The following PRIM2 variants were observed in gnomAD, a reference collection of about 807,000 sequenced individuals.
PRIM2 encodes DNA primase large subunit.
A neutral mutation model predicts 67.3 loss-of-function variants in PRIM2; 39 were observed. The observed-to-expected ratio is 0.58, with a 90% CI of 0.45 to 0.76. PRIM2 has a LOEUF of 0.76. Among genes scored for constraint, PRIM2 ranks in the 30% least tolerant of loss-of-function variants. The probability of loss-of-function intolerance (pLI) is 0.00; values close to 1 mark genes in which losing one functional copy is unlikely to be tolerated. For missense variants in PRIM2, 398 were observed against 598.7 expected (o/e 0.66, Z 3.50); for synonymous variants, 143 against 198.7 (o/e 0.72, Z 2.36).
At chr6:57,396,243 A>G (rs4712159) in intron 7 of PRIM2, among the ~76,000 whole-genome samples, 95,205 of 151,942 alleles carry the variant, frequency 0.63, 30,153 homozygotes, top group African/African-American at 0.72. Context: ...GTCTAGTGCT[A>G]TCAGTGGGGT....
chr6:57,518,771 T>C (rs1471201811), intron 8 of PRIM2, among the ~76,000 whole-genome samples: 37 of 152,364 alleles, frequency 2.4e-4, no homozygotes, highest in Admixed American at 2.4e-3. Context: ...ATCTTTTGTT[T>C]TGGGACATAG....
the PRIM2 span, among the ~76,000 whole-genome samples, chr6:57,252,201 T>C: frequency 6.6e-6 from 1 of 152,246 alleles, no homozygotes; most frequent in East Asian, 1.9e-4. Context: ...TATCTCTTGA[T>C]TCTGTGATAA....
At chr6:57,302,184 T>A in the PRIM2 span, among the ~76,000 whole-genome samples, 1 of 152,226 alleles carries the variant, frequency 6.6e-6, no homozygotes, top group Non-Finnish European at 1.5e-5. Context: ...AAGAAACACA[T>A]TTTAAATATT....
rs772308310 is a variant in PRIM2, at chr6:57,379,965, G to A, written c.524G>A (p.Gly175Glu). ...GTTGCCTCATCACCAAGTTTAAGTG[G>A]ACTTAAGTTGGGGTTCGAGTCCATT... Reference protein sequence around the residue: ...EIVASSPSLSGLKLGFESIYK... With the variant: ...EIVASSPSLSELKLGFESIYK... Residue 175 changes from glycine (G) to glutamate (E), a missense_variant, in exon 6 of 14, where the codon GGA becomes GAA. Physicochemically the swap from Gly to Glu is moderately conservative, Grantham distance 98 (BLOSUM62 -2). Coordinates refer to ENST00000615550, the MANE Select transcript of PRIM2 (RefSeq NM_000947.5). 1.3e-6 allele frequency: 2 copies of A among 1,557,262 alleles called. No homozygotes were observed. Among genetic ancestry groups the A allele is most frequent in the East Asian group, 2.4e-5 (1 of 41,878 alleles).
At chr6:57,332,471 A>G (rs1768084263) in intron 5 of PRIM2, among the ~76,000 whole-genome samples, 1 of 152,150 alleles carries the variant, frequency 6.6e-6, no homozygotes, top group African/African-American at 2.4e-5. Context: ...GTGGGGTACT[A>G]AAGTCTTCAA....
chr6:57,409,529 A>G (rs532889089), intron 7 of PRIM2, among the ~76,000 whole-genome samples: 2 of 152,230 alleles, frequency 1.3e-5, no homozygotes, highest in South Asian at 4.2e-4. Context: ...TGTTTAAAGT[A>G]TGTTTAACTT....
rs1777338305 is a variant in PRIM2 at position 57,646,547 on chromosome 6, C to G, written c.*389C>G. The G allele has an allele frequency of 5.8e-6, 1 of 171,266 alleles. No individual in the cohort carries two copies. The highest frequency in any genetic ancestry group is 2.4e-5 in the African/African-American group (1 of 41,146). The allele number at this position is 171,266 out of a possible 1,614,324, so 10.6% of individuals were successfully genotyped here. On this transcript the variant is annotated 3_prime_UTR_variant, in exon 14 of 14. Transcript: ENST00000615550. The stretch of plus-strand genomic sequence containing the variant: ...TTTAACCTTTTTGTTTAACTTCTCT[C>G]TTCACTGCATCCCAATCCATCTACA...
intron 7 of PRIM2, among the ~76,000 whole-genome samples, chr6:57,449,074 T>A (rs1272136019): frequency 3.9e-5 from 6 of 152,232 alleles, no homozygotes; most frequent in African/African-American, 1.4e-4. Flanking sequence ...GCACTTTGCC[T>A]AACAACATTT....
At chr6:57,303,545 C>T in the PRIM2 span, among the ~76,000 whole-genome samples, 1 of 152,126 alleles carries the variant, frequency 6.6e-6, no homozygotes, top group African/African-American at 2.4e-5. Flanking sequence ...AATACTTCCA[C>T]TTGTGATACC....
intron 7 of PRIM2, among the ~76,000 whole-genome samples, chr6:57,480,656 G>A (rs1773598820): frequency 2.0e-5 from 3 of 152,208 alleles, no homozygotes; most frequent in Admixed American, 6.5e-5. Flanking sequence ...TTGAGATGGA[G>A]TCTCACTCTG....
At chr6:57,378,265 C>A (rs1386965853) in intron 5 of PRIM2, among the ~76,000 whole-genome samples, 1 of 151,594 alleles carries the variant, frequency 6.6e-6, no homozygotes, top group African/African-American at 2.4e-5. Flanking sequence ...GGGGTCTCAC[C>A]GTGTTGCCCA....
At chr6:57,271,372 A>G in the PRIM2 span, among the ~76,000 whole-genome samples, 1 of 152,140 alleles carries the variant, frequency 6.6e-6, no homozygotes, top group Admixed American at 6.6e-5. Context: ...TGTATGTGTC[A>G]AGGAATGTAT....
At chr6:57,605,313 C>G (rs1377189451) in intron 11 of PRIM2, among the ~76,000 whole-genome samples, 1 of 152,074 alleles carries the variant, frequency 6.6e-6, no homozygotes, top group South Asian at 2.1e-4. Context: ...GGGAGTCCCC[C>G]CTCCTCAGTT....
intron 5 of PRIM2, among the ~76,000 whole-genome samples, chr6:57,374,814 G>C (rs1286878655): frequency 6.6e-6 from 1 of 152,148 alleles, no homozygotes; most frequent in African/African-American, 2.4e-5. Flanking sequence ...ATGAACTCCT[G>C]ACCTGAGGTG....
chr6:57,256,329 T>C, the PRIM2 span, among the ~76,000 whole-genome samples: 1 of 152,188 alleles, frequency 6.6e-6, no homozygotes, highest in Non-Finnish European at 1.5e-5. Context: ...CCTACAGGGC[T>C]ATATTATGTA....
intron 8 of PRIM2, among the ~76,000 whole-genome samples, chr6:57,514,438 C>A (rs1774438444): frequency 6.6e-6 from 1 of 151,946 alleles, no homozygotes; most frequent in Admixed American, 6.6e-5. Flanking sequence ...GAAATGAAAG[C>A]CTCATTAGCC....
chr6:57,632,678 G>A (rs1238787558), intron 13 of PRIM2, among the ~76,000 whole-genome samples: 1 of 152,246 alleles, frequency 6.6e-6, no homozygotes, highest in Non-Finnish European at 1.5e-5. Flanking sequence ...TTTGACCCAC[G>A]GGCCTTGATT....
chr6:57,505,699 T>C (rs1774236466), intron 7 of PRIM2, among the ~76,000 whole-genome samples: 2 of 152,140 alleles, frequency 1.3e-5, no homozygotes, highest in South Asian at 4.1e-4. Flanking sequence ...ATTAATAGTT[T>C]AGGGAAAAGG....
chr6:57,244,377 A>G, the PRIM2 span, among the ~76,000 whole-genome samples: 6 of 152,234 alleles, frequency 3.9e-5, no homozygotes, highest in Admixed American at 2.6e-4. Context: ...TTTTGTTCAC[A>G]TAAGAAAAAA....
Sources: allele counts gnomAD v4.1 joint callset (sites outside exome capture counted in the v4.1 genomes callset), GRCh38; gene constraint gnomAD v4.1.1; transcripts MANE v1.5; gene names NCBI Gene and HGNC (gene_info 2026-07-23, HGNC 2026-07-21).